The following CNTNAP2 variants were observed in gnomAD, a reference collection of about 807,000 sequenced individuals.
CNTNAP2 encodes contactin associated protein 2.
CNTNAP2 carries 98 observed loss-of-function variants against 155.2 expected under a neutral mutation model. The observed-to-expected ratio is 0.63, with a 90% CI of 0.54 to 0.75. The LOEUF is 0.75. CNTNAP2 is among the 30% of genes least tolerant of loss of function. The pLI, the probability that CNTNAP2 is intolerant of heterozygous loss-of-function variation, is 0.00. For synonymous variants in CNTNAP2, 651 were observed against 631.2 expected, an observed-to-expected ratio of 1.03 and a Z score of -0.47; for missense variants, 1,727 against 1,688.1, an observed-to-expected ratio of 1.02 and a Z score of -0.40.
intron 3 of CNTNAP2, among the ~76,000 whole-genome samples, chr7:147,028,750 A>G (rs964274946): frequency 2.0e-5 from 3 of 152,188 alleles, no homozygotes; most frequent in Non-Finnish European, 2.9e-5. Context: ...TAGGTAGTGA[A>G]GGAAACAGAT....
At chr7:147,637,025 T>G (rs952454856) in intron 12 of CNTNAP2, among the ~76,000 whole-genome samples, 2 of 152,074 alleles carry the variant, frequency 1.3e-5, no homozygotes, top group Non-Finnish European at 2.9e-5. Flanking sequence ...AAGGTCCATA[T>G]GGCTGGTGCC....
At chr7:147,629,813 T>C (rs1795051575) in intron 12 of CNTNAP2, among the ~76,000 whole-genome samples, 1 of 152,072 alleles carries the variant, frequency 6.6e-6, no homozygotes, top group South Asian at 2.1e-4. Flanking sequence ...ACCTCTGGCA[T>C]ACAGCAAAAG....
chr7:148,023,417 C>G (rs1258279696), intron 15 of CNTNAP2, among the ~76,000 whole-genome samples: 2 of 152,184 alleles, frequency 1.3e-5, no homozygotes, highest in Non-Finnish European at 2.9e-5. Flanking sequence ...AAATATTCAT[C>G]TGTTGTTTTG....
chr7:147,824,233 A>G (rs1798409973), intron 13 of CNTNAP2, among the ~76,000 whole-genome samples: 1 of 152,144 alleles, frequency 6.6e-6, no homozygotes, highest in African/African-American at 2.4e-5. Context: ...TTAAGCTTGC[A>G]TTTCAGATTA....
At chr7:148,291,540 G>T (rs1797190737) in intron 21 of CNTNAP2, among the ~76,000 whole-genome samples, 1 of 152,008 alleles carries the variant, frequency 6.6e-6, no homozygotes, top group South Asian at 2.1e-4. Flanking sequence ...TTCTAGCCGT[G>T]CTGGCAGCTG....
intron 1 of CNTNAP2, among the ~76,000 whole-genome samples, chr7:146,242,553 G>A (rs1479790818): frequency 1.3e-5 from 2 of 150,706 alleles, no homozygotes; most frequent in African/African-American, 4.9e-5. Context: ...AAAAAAAGGA[G>A]AGAAAAAGAA....
At chr7:148,336,068 A>G (rs1798110093) in intron 21 of CNTNAP2, among the ~76,000 whole-genome samples, 1 of 152,170 alleles carries the variant, frequency 6.6e-6, no homozygotes, top group Non-Finnish European at 1.5e-5. Context: ...TGGTTTAAGT[A>G]ACTGCCTCTC....
intron 1 of CNTNAP2, among the ~76,000 whole-genome samples, chr7:146,353,721 C>G (rs566730536): frequency 1.3e-5 from 2 of 152,054 alleles, no homozygotes; most frequent in South Asian, 4.1e-4. Flanking sequence ...TATCCATACA[C>G]CTGACAAAGG....
At chr7:147,382,507 T>C (rs1320614038) in intron 9 of CNTNAP2, among the ~76,000 whole-genome samples, 1 of 152,174 alleles carries the variant, frequency 6.6e-6, no homozygotes, top group Admixed American at 6.6e-5. Context: ...ACCAGTGATA[T>C]AGAGACAATG....
chr7:147,394,566 A>G (rs1796778150), intron 9 of CNTNAP2, among the ~76,000 whole-genome samples: 1 of 152,040 alleles, frequency 6.6e-6, no homozygotes, highest in African/African-American at 2.4e-5. Flanking sequence ...GAACCATATG[A>G]AAAGTAGAAG....
chr7:146,123,333 CA>C (rs1419613049), intron 1 of CNTNAP2, among the ~76,000 whole-genome samples: 3 of 152,064 alleles, frequency 2.0e-5, no homozygotes, highest in African/African-American at 7.2e-5. Flanking sequence ...ATACTTTTAC[CA>C]GGAAAAATTC....
intron 3 of CNTNAP2, among the ~76,000 whole-genome samples, chr7:146,975,461 T>C (rs911603846): frequency 1.4e-5 from 2 of 139,754 alleles, no homozygotes; most frequent in Admixed American, 1.4e-4. Flanking sequence ...TGAGACTCTG[T>C]CTAAGAAAAA....
At chr7:147,412,915 CT>C (rs1407332239) in intron 10 of CNTNAP2, among the ~76,000 whole-genome samples, 2 of 152,162 alleles carry the variant, frequency 1.3e-5, no homozygotes, top group Non-Finnish European at 2.9e-5. Flanking sequence ...ATGCTTTAGT[CT>C]GTAGTCCAAG....
chr7:147,936,300 A>AT (rs56980866), intron 14 of CNTNAP2, among the ~76,000 whole-genome samples: 7,517 of 147,824 alleles, frequency 0.051, 219 homozygotes, highest in African/African-American at 0.07. Flanking sequence ...CATTTATTTT[A>AT]TTTTTTTTTT....
At chr7:148,093,655 G>A (rs1000116733) in intron 15 of CNTNAP2, among the ~76,000 whole-genome samples, 1 of 152,188 alleles carries the variant, frequency 6.6e-6, no homozygotes, top group Non-Finnish European at 1.5e-5. Context: ...CCCAACTGAG[G>A]TCACATCAGC....
chr7:146,720,948 T>C (rs1801279188), intron 1 of CNTNAP2, among the ~76,000 whole-genome samples: 2 of 137,644 alleles, frequency 1.5e-5, no homozygotes, highest in East Asian at 2.1e-4. Flanking sequence ...TTTCTCTATA[T>C]ATTCTATATA....
intron 11 of CNTNAP2, among the ~76,000 whole-genome samples, chr7:147,488,064 G>T (rs543317418): frequency 1.6e-4 from 24 of 151,908 alleles, no homozygotes; most frequent in Admixed American, 1.4e-3. Flanking sequence ...TTTTTCTTTC[G>T]AAAAATATAC....
chr7:147,957,509 G>T (rs1209282158), intron 14 of CNTNAP2, among the ~76,000 whole-genome samples: 1 of 152,096 alleles, frequency 6.6e-6, no homozygotes, highest in African/African-American at 2.4e-5. Flanking sequence ...TAAGTCAAGG[G>T]TATCACCAGG....
At chr7:147,980,371 A>T (rs1801500497) in intron 15 of CNTNAP2, among the ~76,000 whole-genome samples, 1 of 152,226 alleles carries the variant, frequency 6.6e-6, no homozygotes, top group Non-Finnish European at 1.5e-5. Context: ...TATCAAAATA[A>T]ACTTATTTAT....
Sources: gnomAD v4.1 joint callset for allele counts (sites outside exome capture counted in the v4.1 genomes callset) on GRCh38, gnomAD v4.1.1 for gene constraint, MANE v1.5 for transcripts, NCBI Gene and HGNC (gene_info 2026-07-23, HGNC 2026-07-21) for gene names.